C13orf46: variants seen among roughly 807,000 people sequenced by gnomAD.
C13orf46 encodes chromosome 13 open reading frame 46, also known as uncharacterized protein C13orf46.
intron 5 of C13orf46, among the ~76,000 whole-genome samples, chr13:113,965,379 T>G (rs896169745): frequency 6.6e-6 from 1 of 152,294 alleles, no homozygotes; most frequent in East Asian, 1.9e-4. Context: ...GGAAGGAGCT[T>G]AAACTTGCCA....
chr13:113,958,862 C>G (rs1267181375), intron 6 of C13orf46, among the ~76,000 whole-genome samples: 1 of 151,662 alleles, frequency 6.6e-6, no homozygotes, highest in Non-Finnish European at 1.5e-5. Flanking sequence ...GTGGTGGGGT[C>G]TCTCCTGGGG....
the C13orf46 span, among the ~76,000 whole-genome samples, chr13:113,935,893 A>G: frequency 6.6e-6 from 1 of 152,246 alleles, no homozygotes; most frequent in African/African-American, 2.4e-5. Flanking sequence ...CAGCTTTATG[A>G]ATCGTGATCA....
At chr13:113,969,292 TTGACTTGGCCGAGGGTATTGAC>T (rs1274321515) in intron 2 of C13orf46, among the ~76,000 whole-genome samples, 4 of 152,270 alleles carry the variant, frequency 2.6e-5, no homozygotes, top group South Asian at 2.1e-4. Context: ...TGCAATGGCG[TTGACTTGGCCGAGGGTATTGAC>T]TGACTTGGCC....
the C13orf46 span, among the ~76,000 whole-genome samples, chr13:113,944,367 A>C: frequency 6.6e-6 from 1 of 152,318 alleles, no homozygotes; most frequent in East Asian, 1.9e-4. Context: ...GCTGCCTGCC[A>C]GGACCAGGTG....
intron 6 of C13orf46, among the ~76,000 whole-genome samples, chr13:113,964,525 T>C (rs1010762534): frequency 0.3 from 45,580 of 152,094 alleles, 7,696 homozygotes; most frequent in East Asian, 0.45. Flanking sequence ...GGCTTCCCAC[T>C]ACCTGCAGGA....
At chr13:113,961,988 G>C (rs1229888629) in intron 6 of C13orf46, among the ~76,000 whole-genome samples, 1 of 152,178 alleles carries the variant, frequency 6.6e-6, no homozygotes, top group African/African-American at 2.4e-5. Flanking sequence ...CTGATGCTAT[G>C]AAGTGTGCAG....
At chr13:113,949,164 C>T (rs2052480060), downstream of C13orf46, among the ~76,000 whole-genome samples, 1 of 150,070 alleles carries the variant, frequency 6.7e-6, no homozygotes, top group African/African-American at 2.5e-5. Context: ...GGTTGGGGAG[C>T]CCCCAGGCTG....
intron 5 of C13orf46, among the ~76,000 whole-genome samples, chr13:113,965,511 C>T (rs2052626343): frequency 6.6e-6 from 1 of 152,150 alleles, no homozygotes; most frequent in Admixed American, 6.5e-5. Context: ...GCCTCTTCTT[C>T]TTACAGATAA....
At chr13:113,948,050 T>C in the C13orf46 span, among the ~76,000 whole-genome samples, 2 of 152,262 alleles carry the variant, frequency 1.3e-5, no homozygotes, top group Non-Finnish European at 2.9e-5. Flanking sequence ...GCCCACGTCC[T>C]GCCACAGGGA....
the C13orf46 span, among the ~76,000 whole-genome samples, chr13:113,936,737 T>C: frequency 5.8e-4 from 87 of 151,092 alleles, no homozygotes; most frequent in African/African-American, 2.0e-3. Flanking sequence ...GGTGCAGTCG[T>C]CGGGGTGTGG....
At chr13:113,963,662 T>TGCCCCTGTCCTCAGCCACG (rs1251701611) in intron 6 of C13orf46, among the ~76,000 whole-genome samples, 40,650 of 138,796 alleles carry the variant, frequency 0.29, 6,155 homozygotes, top group East Asian at 0.41. Flanking sequence ...TCCTCAGCCT[T>TGCCCCTGTCCTCAGCCACG]GCCCCTGTCC....
At chr13:113,950,590 C>T (rs2052484898), downstream of C13orf46, among the ~76,000 whole-genome samples, 4 of 152,330 alleles carry the variant, frequency 2.6e-5, no homozygotes, top group South Asian at 8.3e-4. Context: ...TGAGGAGTTG[C>T]TTTCACATTG....
At chr13:113,968,909 G>A (rs1017906756) in intron 2 of C13orf46, 149 bp from the exon 3 acceptor site, 1 of 152,482 alleles carries the variant, frequency 6.6e-6, no homozygotes, top group Non-Finnish European at 1.5e-5. Flanking sequence ...CCAGCACAGA[G>A]TTCTGGCTCT....
intron 6 of C13orf46, among the ~76,000 whole-genome samples, chr13:113,959,796 G>A (rs1379792001): frequency 2.0e-5 from 3 of 152,212 alleles, no homozygotes; most frequent in South Asian, 2.1e-4. Flanking sequence ...GAAGCAAAAT[G>A]ACTGGCTATT....
At chr13:113,969,258 G>A (rs2138993045) in intron 2 of C13orf46, among the ~76,000 whole-genome samples, 1 of 152,378 alleles carries the variant, frequency 6.6e-6, no homozygotes, top group African/African-American at 2.4e-5. Context: ...AGGCAGTGAG[G>A]ATGACAGGGG....
intron 5 of C13orf46, among the ~76,000 whole-genome samples, chr13:113,966,405 T>C (rs1373584815): frequency 1.5e-5 from 2 of 136,412 alleles, no homozygotes; most frequent in Non-Finnish European, 3.0e-5. Context: ...TTAATGATGG[T>C]GATGATGATG....
chr13:113,928,180 G>A, the C13orf46 span: 1 of 152,272 alleles, frequency 6.6e-6, no homozygotes, highest in Non-Finnish European at 1.5e-5. Flanking sequence ...AGACCCCCAG[G>A]AGCCGCGGCC....
At chr13:113,965,653 A>G (rs1257635782) in intron 5 of C13orf46, among the ~76,000 whole-genome samples, 6 of 151,052 alleles carry the variant, frequency 4.0e-5, no homozygotes, top group African/African-American at 1.2e-4. Context: ...GATTGTGACA[A>G]TGATGATGGT....
intron 6 of C13orf46, among the ~76,000 whole-genome samples, chr13:113,960,697 G>A (rs1165484083): frequency 6.6e-6 from 1 of 152,182 alleles, no homozygotes; most frequent in Admixed American, 6.5e-5. Context: ...GTTACCAACA[G>A]CTGTGTGTTC....
Sources: allele counts gnomAD v4.1 joint callset (sites outside exome capture counted in the v4.1 genomes callset), GRCh38; gene constraint gnomAD v4.1.1; transcripts MANE v1.5; gene names NCBI Gene and HGNC (gene_info 2026-07-23, HGNC 2026-07-21).